Variants in TCL1A observed in about 807,000 individuals in gnomAD.
TCL1A encodes the protein TCL1 family AKT coactivator A, also known as T-cell leukemia/lymphoma protein 1A.
A neutral mutation model predicts 16.9 loss-of-function variants in TCL1A; 9 were observed. The ratio of observed to expected loss-of-function variants is 0.53; its 90% CI spans 0.32 to 0.93. The LOEUF is 0.93. Ranked by LOEUF, TCL1A falls within the 40% of genes least tolerant of loss-of-function variation. The pLI is 0.04. For synonymous variants in TCL1A, 69 were observed against 63.2 expected (o/e 1.09, Z -0.44); for missense variants, 139 against 153.0 (o/e 0.91, Z 0.48).
intron 1 of TCL1A, chr14:95,712,686 A>G: frequency 7.3e-7 from 1 of 1,375,134 alleles, no homozygotes; most frequent in East Asian, 3.9e-5. Flanking sequence ...TCACACTTGT[A>G]ATTCCAGTGC....
At chr14:95,713,462 T>A (rs961059225) in intron 1 of TCL1A, among the ~76,000 whole-genome samples, 1 of 152,190 alleles carries the variant, frequency 6.6e-6, no homozygotes, top group African/African-American at 2.4e-5. Flanking sequence ...ACGACATCAC[T>A]TGTTAAATTT....
At chr14:95,713,162 G>A (rs187093328) in intron 1 of TCL1A, among the ~76,000 whole-genome samples, 6 of 152,298 alleles carry the variant, frequency 3.9e-5, no homozygotes, top group Admixed American at 3.9e-4. Context: ...TCGGACAAAT[G>A]TACATTTTTG....
At chr14:95,711,932 T>C in intron 2 of TCL1A, 130 bp from the exon 3 acceptor site, 11 of 1,198,256 alleles carry the variant, frequency 9.2e-6, no homozygotes, top group South Asian at 1.4e-5. Flanking sequence ...TCAGGGGCTC[T>C]TGGAGACTGC....
intron 1 of TCL1A, chr14:95,712,678 A>G: frequency 1.4e-6 from 2 of 1,389,862 alleles, no homozygotes; most frequent in Non-Finnish European, 1.9e-6. Context: ...GCAGCGGCTC[A>G]CACTTGTAAT....
chr14:95,713,707 A>G (rs187973051), intron 1 of TCL1A, among the ~76,000 whole-genome samples: 2 of 152,298 alleles, frequency 1.3e-5, no homozygotes, highest in South Asian at 2.1e-4. Context: ...CATTATAGTC[A>G]CACTCCACAG....
At chr14:95,713,698 A>G (rs1886458175) in intron 1 of TCL1A, among the ~76,000 whole-genome samples, 1 of 152,202 alleles carries the variant, frequency 6.6e-6, no homozygotes, top group Non-Finnish European at 1.5e-5. Context: ...TGTAGTCAAC[A>G]TTATAGTCAC....
rs1886297780 is a variant in TCL1A, at chr14:95,709,967, T to TC, written c.*920dup. 6.6e-6 allele frequency: 1 copy of TC among 152,154 alleles called. No homozygotes were observed. Among genetic ancestry groups the TC allele is most frequent in the African/African-American group, 2.4e-5 (1 of 41,420 alleles). 9.4% of individuals were successfully genotyped at this position (152,154 alleles called of 1,614,324 possible). A position where few individuals can be genotyped will look rare whatever the true frequency, so the allele number is the denominator to read the frequency against. On this transcript the variant is annotated 3_prime_UTR_variant, in exon 4 of 4. Coordinates refer to ENST00000402399, the MANE Select transcript of TCL1A (RefSeq NM_021966.3). ...TTATCTCCAAAGGAAAATAAATAAA[T>TC]CCATGAATATTTTTTATTTGGGGGC...
At chr14:95,713,819 G>T in intron 1 of TCL1A, 128 bp downstream of exon 1, 4 of 1,409,666 alleles carry the variant, frequency 2.8e-6, no homozygotes, top group Middle Eastern at 1.9e-4. Context: ...GGCTCAAAGT[G>T]GCTTCATCTG....
rs954268192 is a variant in TCL1A, at chr14:95,711,231, G to A, written c.*7-350C>T. ...TCCCAGCACTTTGGGAGGCCGAGGC[G>A]GGCAGATCATGAGGTCAGGAGATCG... On this transcript the variant is annotated intron_variant, in intron 3 of 3. Transcript: ENST00000402399. Among the ~76,000 whole-genome samples the A allele has an allele frequency of 4.0e-5, 6 of 151,210 alleles. No individual in the cohort carries two copies. In the East Asian group the frequency reaches 7.7e-4, roughly 20 times the overall value.
intron 1 of TCL1A, among the ~76,000 whole-genome samples, chr14:95,713,431 T>C (rs537270924): frequency 2.0e-5 from 3 of 152,304 alleles, no homozygotes; most frequent in East Asian, 1.9e-4. Context: ...TCAATATTGA[T>C]TCAATACCGG....
rs1243569054 is a variant in TCL1A at position 95,711,752 on chromosome 14, A to AC, written c.*2dup. Reference sequence around the variant, plus strand: ...GTCAGGCTCCAGTGGAGCTCACCATACATCAGTCATCTGGCAGCAGCTCGA... The same window carrying AC: ...GTCAGGCTCCAGTGGAGCTCACCATACCATCAGTCATCTGGCAGCAGCTCGA... On this transcript the variant is annotated 3_prime_UTR_variant, in exon 3 of 4. Coordinates refer to ENST00000402399, the MANE Select transcript of TCL1A (RefSeq NM_021966.3). The AC allele has an allele frequency of 6.2e-7, 1 of 1,613,200 alleles. No homozygotes were observed. Among genetic ancestry groups the AC allele is most frequent in the African/African-American group, 1.3e-5 (1 of 74,928 alleles).
chr14:95,712,349 G>T lies in TCL1A; in HGVS notation c.168C>A (p.Val56=). ...QLRVLLRRED[V]VLGRPMTPTQ... is the part of the protein sequence containing the mutation. Reference sequence around the variant, plus strand: ...TGGGGGTCATAGGCCTCCCCAGGACGACGTCTTCCCGACGCAAGAGCACCC... The same window carrying T: ...TGGGGGTCATAGGCCTCCCCAGGACTACGTCTTCCCGACGCAAGAGCACCC... Residue 56 remains valine, a synonymous_variant, in exon 2 of 4, where the codon GTC becomes GTA. Transcript: ENST00000402399. 6.2e-7 allele frequency: 1 copy of T among 1,613,726 alleles called. No individual in the cohort carries two copies. Among genetic ancestry groups the T allele is most frequent in the Non-Finnish European group, 8.5e-7 (1 of 1,179,690 alleles).
At chr14:95,713,220 T>C (rs1416570949) in intron 1 of TCL1A, among the ~76,000 whole-genome samples, 2 of 152,220 alleles carry the variant, frequency 1.3e-5, no homozygotes, top group African/African-American at 2.4e-5. Context: ...TCAATAATTT[T>C]TGATTGCTAC....
chr14:95,711,609 G>A (rs1886355835), intron 3 of TCL1A, 140 bp downstream of exon 3: 6 of 931,236 alleles, frequency 6.4e-6, no homozygotes, highest in Non-Finnish European at 9.6e-6. Context: ...AGTGCCTCCA[G>A]GAAGCCTCTC....
At chr14:95,711,295 TAAAA>T (rs1163643091) in intron 3 of TCL1A, among the ~76,000 whole-genome samples, 1 of 79,736 alleles carries the variant, frequency 1.3e-5, no homozygotes, top group Non-Finnish European at 2.5e-5. Context: ...CCGTCTCTAC[TAAAA>T]AAAAAAAAAA....
At chr14:95,712,768 C>A in intron 1 of TCL1A, 1 of 938,510 alleles carries the variant, frequency 1.1e-6, no homozygotes, top group Non-Finnish European at 1.5e-6. Context: ...AGAGCGAGAC[C>A]CTGTATCTAC....
At position 95,710,043 on chromosome 14, in the gene TCL1A, A is replaced by G. The variant is rs561227835; in HGVS notation, c.*845T>C. 3.5e-4 allele frequency: 54 copies of G among 152,342 alleles called. 1 individual carries two copies. Among genetic ancestry groups the G allele is most frequent in the Admixed American group, 3.3e-3 (50 of 15,306 alleles). The allele number at this position is 152,342 out of a possible 1,614,324, so 9.4% of individuals were successfully genotyped here. A position where few individuals can be genotyped will look rare whatever the true frequency, so the allele number is the denominator to read the frequency against. ...GAATCTAAGTCAAGGATAGAAGCTG[A>G]TTCCGCACGAAGTTAGATAAACTAT... On this transcript the variant is annotated 3_prime_UTR_variant, in exon 4 of 4. Coordinates refer to ENST00000402399, the MANE Select transcript of TCL1A (RefSeq NM_021966.3).
intron 1 of TCL1A, among the ~76,000 whole-genome samples, chr14:95,713,302 C>T (rs2139722370): frequency 6.6e-6 from 1 of 152,268 alleles, no homozygotes; most frequent in African/African-American, 2.4e-5. Context: ...AGAGTTTGAA[C>T]ATTTTTTGAC....
At chr14:95,712,822 T>G in intron 1 of TCL1A, 7 of 572,012 alleles carry the variant, frequency 1.2e-5, no homozygotes, top group Non-Finnish European at 1.7e-5. Context: ...AGAAAAAGAA[T>G]ACTGGCCTTT....
Sources: allele counts gnomAD v4.1 joint callset (sites outside exome capture counted in the v4.1 genomes callset), GRCh38; gene constraint gnomAD v4.1.1; transcripts MANE v1.5; gene names NCBI Gene and HGNC (gene_info 2026-07-23, HGNC 2026-07-21).